The following STK33 variants were observed in gnomAD, a reference collection of about 807,000 sequenced individuals.
STK33 encodes the protein serine/threonine kinase 33.
In STK33, 52 loss-of-function variants were observed where a neutral mutation model predicts 58.0. The observed-to-expected ratio is 0.90, with a 90% confidence interval of 0.72 to 1.13. STK33 has a LOEUF of 1.13. Ranked by LOEUF, STK33 falls within the 50% of genes most tolerant of loss-of-function variation. The probability of loss-of-function intolerance (pLI) is 0.00; values close to 1 mark genes in which losing one functional copy is unlikely to be tolerated. For missense variants in STK33, 630 were observed against 604.2 expected, an observed-to-expected ratio of 1.04 and a Z score of -0.45; for synonymous variants, 215 against 200.1, an observed-to-expected ratio of 1.07 and a Z score of -0.63.
chr11:8,430,538 T>G (rs1314308955), intron 14 of STK33, among the ~76,000 whole-genome samples: 4 of 152,204 alleles, frequency 2.6e-5, no homozygotes, highest in Non-Finnish European at 4.4e-5. Flanking sequence ...CATAAAGTTT[T>G]AAGAAAGTTT....
downstream of STK33, among the ~76,000 whole-genome samples, chr11:8,389,088 T>C (rs191194778): frequency 3.1e-3 from 461 of 150,764 alleles, 2 homozygotes; most frequent in African/African-American, 0.011. Context: ...TAAACTTAAA[T>C]GCGGAAGCTG....
intron 1 of STK33, among the ~76,000 whole-genome samples, chr11:8,544,300 A>T (rs1955743760): frequency 7.4e-6 from 1 of 135,680 alleles, no homozygotes; most frequent in South Asian, 2.4e-4. Flanking sequence ...TGGAAATTTT[A>T]TATATATATA....
At chr11:8,421,098 T>A (rs1375067429) in intron 14 of STK33, among the ~76,000 whole-genome samples, 2 of 152,218 alleles carry the variant, frequency 1.3e-5, no homozygotes, top group Non-Finnish European at 2.9e-5. Context: ...TTATAACTTA[T>A]CAGCTTTCCT....
Position 8,458,181 on chromosome 11 carries a change from C to T in STK33, c.559-702G>A, listed in dbSNP as rs540394687. Among the ~76,000 whole-genome samples the T allele has an allele frequency of 2.8e-4, 43 of 152,194 alleles. 1 individual carries two copies. Among genetic ancestry groups the T allele is most frequent in the African/African-American group, 1.0e-3 (43 of 41,522 alleles). Reference sequence around the variant, plus strand: ...GTAATGTAGAACAGGGCTCAACAAACCTTTGCTATAGAGATCAGACCCAAT... The same window carrying T: ...GTAATGTAGAACAGGGCTCAACAAATCTTTGCTATAGAGATCAGACCCAAT... On this transcript the variant is annotated intron_variant, in intron 8 of 15. Coordinates refer to ENST00000687296, the MANE Select transcript of STK33 (RefSeq NM_001352389.2).
intron 6 of STK33, among the ~76,000 whole-genome samples, chr11:8,470,320 CA>C (rs1468713622): frequency 2.0e-5 from 3 of 152,014 alleles, no homozygotes; most frequent in African/African-American, 4.8e-5. Flanking sequence ...GTGCTAGCTT[CA>C]AGCTTTTCTC....
At chr11:8,486,253 C>A (rs1354387971) in intron 1 of STK33, among the ~76,000 whole-genome samples, 1 of 152,236 alleles carries the variant, frequency 6.6e-6, no homozygotes, top group Non-Finnish European at 1.5e-5. Flanking sequence ...GATCCCTTAA[C>A]ATGACATACA....
chr11:8,382,665 C>T, the STK33 span, among the ~76,000 whole-genome samples: 1 of 152,182 alleles, frequency 6.6e-6, no homozygotes, highest in Admixed American at 6.5e-5. Flanking sequence ...AGGACAGGTC[C>T]TGTGTGAGGT....
chr11:8,557,691 C>A (rs11041982), intron 1 of STK33, among the ~76,000 whole-genome samples: 60,166 of 151,628 alleles, frequency 0.4, 12,173 homozygotes, highest in South Asian at 0.57. Flanking sequence ...CAAAAAGGAA[C>A]TTCAGCATTC....
intron 1 of STK33, among the ~76,000 whole-genome samples, chr11:8,553,829 A>ATAGTCT (rs1565349831): frequency 1.3e-5 from 2 of 152,182 alleles, no homozygotes; most frequent in Non-Finnish European, 2.9e-5. Context: ...ACTTAAATAT[A>ATAGTCT]AGACCCGAAA....
At chr11:8,390,388 A>C (rs1470452193), downstream of STK33, among the ~76,000 whole-genome samples, 2 of 152,222 alleles carry the variant, frequency 1.3e-5, no homozygotes, top group Non-Finnish European at 2.9e-5. Context: ...TTGGCCTATC[A>C]GTCATTGAAA....
At chr11:8,496,939 C>T (rs1377637443) in intron 1 of STK33, among the ~76,000 whole-genome samples, 1 of 151,746 alleles carries the variant, frequency 6.6e-6, no homozygotes, top group African/African-American at 2.4e-5. Context: ...TTATTTTTAC[C>T]ATATCAGTTT....
chr11:8,392,544 G>C lies in STK33; in HGVS notation c.1511C>G (p.Ser504Cys). 1.2e-6 allele frequency: 2 copies of C among 1,614,200 alleles called. No homozygotes were observed. Among genetic ancestry groups the C allele is most frequent in the Non-Finnish European group, 1.7e-6 (2 of 1,180,044 alleles). Residue 504 changes from serine to cysteine, a missense_variant, in exon 16 of 16, where the codon TCC becomes TGC. Coordinates refer to ENST00000687296, the MANE Select transcript of STK33 (RefSeq NM_001352389.2). ...CTTTTTGGTTCTGGACAGGGCGCCG[G>C]ATTTAGCAGGGTACTTGGTTGCTGT... ...QGTATKYPAK[S>C]GALSRTKKKL
At chr11:8,414,785 C>T (rs1940876908) in intron 14 of STK33, among the ~76,000 whole-genome samples, 1 of 152,174 alleles carries the variant, frequency 6.6e-6, no homozygotes, top group South Asian at 2.1e-4. Context: ...ACACCTTACA[C>T]TGGTTTTGCA....
chr11:8,481,870 AC>A (rs142063315), intron 1 of STK33, among the ~76,000 whole-genome samples: 5,624 of 152,138 alleles, frequency 0.037, 199 homozygotes, highest in Admixed American at 0.071. Context: ...GGCCTTACCT[AC>A]TCCCCAACAT....
At chr11:8,587,559 T>C (rs1367185564) in intron 1 of STK33, among the ~76,000 whole-genome samples, 1 of 147,248 alleles carries the variant, frequency 6.8e-6, no homozygotes, top group Non-Finnish European at 1.5e-5. Context: ...GGATCACAAT[T>C]CCAGAGGGAG....
At chr11:8,362,595 T>G in the STK33 span, among the ~76,000 whole-genome samples, 5 of 152,188 alleles carry the variant, frequency 3.3e-5, no homozygotes, top group Admixed American at 2.0e-4. Flanking sequence ...AAAAAACCAT[T>G]TCAAAACGCC....
intron 15 of STK33, among the ~76,000 whole-genome samples, chr11:8,397,685 C>G (rs1304924319): frequency 1.3e-5 from 2 of 151,914 alleles, no homozygotes; most frequent in African/African-American, 4.8e-5. Flanking sequence ...GAAGTCTGAA[C>G]CCATGGCAAA....
At chr11:8,526,165 G>A (rs894685545) in intron 1 of STK33, among the ~76,000 whole-genome samples, 2 of 152,280 alleles carry the variant, frequency 1.3e-5, no homozygotes, top group African/African-American at 4.8e-5. Flanking sequence ...TTGGGAGGCC[G>A]AGGGAGGAAG....
rs574002580 is a variant in STK33, at chr11:8,435,282, C to A, written c.1146+212G>T. 3.3e-5 allele frequency among the ~76,000 whole-genome samples: 5 copies of A among 152,104 alleles called. No homozygotes were observed. In the South Asian group the frequency reaches 1.0e-3, roughly 32 times the overall value. The stretch of plus-strand genomic sequence containing the variant: ...TGACACTGAGCAAAGATCATTTAAA[C>A]CTCTATAAATATATATAAACAACTG... On this transcript the variant is annotated intron_variant, in intron 14 of 15. Coordinates refer to ENST00000687296, the MANE Select transcript of STK33 (RefSeq NM_001352389.2).
Sources: gnomAD v4.1 joint callset for allele counts (sites outside exome capture counted in the v4.1 genomes callset) on GRCh38, gnomAD v4.1.1 for gene constraint, MANE v1.5 for transcripts, NCBI Gene and HGNC (gene_info 2026-07-23, HGNC 2026-07-21) for gene names.